Variants in GALC observed in about 807,000 individuals in gnomAD.
The protein encoded by GALC is galactosylceramidase, also known as galactocerebrosidase.
A neutral mutation model predicts 91.8 loss-of-function variants in GALC; 77 were observed. The observed-to-expected ratio is 0.84, with a 90% confidence interval of 0.70 to 1.01. GALC has a LOEUF of 1.01. GALC is among the 50% of genes least tolerant of loss of function. The pLI is 0.00. For missense variants in GALC, 882 were observed against 855.9 expected (o/e 1.03, Z -0.38); for synonymous variants, 357 against 306.7 (o/e 1.16, Z -1.71).
chr14:87,954,466 T>C (rs974110243), intron 10 of GALC: 5 of 1,584,438 alleles, frequency 3.2e-6, no homozygotes, highest in Admixed American at 3.4e-5. Context: ...TTTGGGAATT[T>C]AAATATCTTT....
intron 10 of GALC, chr14:87,953,234 C>G (rs1322726602): frequency 6.0e-6 from 9 of 1,504,376 alleles, no homozygotes; most frequent in Admixed American, 1.7e-5. Context: ...ATAATTACCT[C>G]CAGCCAGGTT....
intron 13 of GALC, 55 bp from the exon 14 acceptor site, chr14:87,945,788 C>T: frequency 1.5e-6 from 2 of 1,317,432 alleles, no homozygotes; most frequent in Non-Finnish European, 2.2e-6. Context: ...AGAAGCTCTC[C>T]TTGCTGATAT....
chr14:87,953,387 C>T (rs1453360698), intron 10 of GALC: 14 of 1,430,166 alleles, frequency 9.8e-6, no homozygotes, highest in Non-Finnish European at 1.4e-5. Flanking sequence ...TTTACAGAAG[C>T]ATATGAAAGT....
rs763795962 is a variant in GALC at position 87,993,127 on chromosome 14, C to T, written c.38G>A (p.Arg13Gln). Residue 13 changes from arginine to glutamine, a missense_variant, in exon 1 of 17, where the codon CGA (arginine) becomes CAA (glutamine). Coordinates refer to ENST00000261304, the MANE Select transcript of GALC (RefSeq NM_000153.4). ...EWLLSASWQRRAKAMTAAAGS... is the reference protein window; with the variant it reads ...EWLLSASWQRQAKAMTAAAGS... ...CGCGGCCGCAGTCATAGCTTTCGCT[C>T]GGCGTTGCCAGGAAGCCGAGAGTAG... 1.3e-6 allele frequency: 2 copies of T among 1,585,384 alleles called. No individual in the cohort carries two copies. Among genetic ancestry groups the T allele is most frequent in the Non-Finnish European group, 1.7e-6 (2 of 1,166,980 alleles).
intron 1 of GALC, 134 bp from the exon 2 acceptor site, chr14:87,988,657 C>T: frequency 1.3e-6 from 1 of 740,756 alleles, no homozygotes; most frequent in Non-Finnish European, 2.4e-6. Context: ...AAGTTCCTCA[C>T]AAGTTGTCTG....
At chr14:87,945,836 A>G (rs1030058275) in intron 13 of GALC, 103 bp from the exon 14 acceptor site, 2 of 859,352 alleles carry the variant, frequency 2.3e-6, no homozygotes, top group African/African-American at 3.4e-5. Context: ...AAGCTTTTAA[A>G]TAAATAAATA....
At chr14:87,943,806 C>G (rs988518903) in intron 14 of GALC, among the ~76,000 whole-genome samples, 2 of 151,860 alleles carry the variant, frequency 1.3e-5, no homozygotes, top group Admixed American at 6.6e-5. Context: ...GTGTGGATCT[C>G]TGAGCAGATC....
chr14:87,934,918 A>G, intron 16 of GALC, 40 bp from the exon 17 acceptor site: 1 of 1,453,906 alleles, frequency 6.9e-7, no homozygotes. Context: ...ACCATATGAA[A>G]ATGGTCCTCT....
intron 11 of GALC, 25 bp downstream of exon 11, chr14:87,950,634 A>G: frequency 7.2e-7 from 1 of 1,388,268 alleles, no homozygotes; most frequent in Non-Finnish European, 1.0e-6. Flanking sequence ...TCAAAACTAA[A>G]ATAAAGTTAA....
At chr14:87,948,606 GT>G (rs896386329) in intron 12 of GALC, among the ~76,000 whole-genome samples, 13 of 151,880 alleles carry the variant, frequency 8.6e-5, no homozygotes, top group African/African-American at 2.9e-4. Flanking sequence ...AATTTGAACA[GT>G]TTTTTTCTAT....
At chr14:87,945,442 C>T in intron 14 of GALC, 111 bp downstream of exon 14, 7 of 829,424 alleles carry the variant, frequency 8.4e-6, no homozygotes, top group Non-Finnish European at 1.5e-5. Flanking sequence ...TATTACACAT[C>T]TATTAGGTTC....
At chr14:87,980,164 C>G (rs1044513685) in intron 6 of GALC, among the ~76,000 whole-genome samples, 9 of 152,088 alleles carry the variant, frequency 5.9e-5, no homozygotes, top group Non-Finnish European at 1.2e-4. Context: ...GGGCGGATCA[C>G]AAGGTCAAGA....
chr14:87,950,388 A>G (rs778848948), intron 11 of GALC, among the ~76,000 whole-genome samples: 3 of 151,874 alleles, frequency 2.0e-5, no homozygotes, highest in African/African-American at 4.8e-5. Context: ...AGTTCCCTAG[A>G]CCATAAAATG....
chr14:87,953,841 C>G (rs911623846), intron 10 of GALC: 3 of 1,609,716 alleles, frequency 1.9e-6, no homozygotes, highest in Admixed American at 1.7e-5. Context: ...GGTGCTATCT[C>G]CATGTCATGT....
At chr14:87,962,710 C>T (rs969081312) in intron 10 of GALC, among the ~76,000 whole-genome samples, 2 of 151,964 alleles carry the variant, frequency 1.3e-5, no homozygotes, top group Admixed American at 6.6e-5. Flanking sequence ...CTTCACAAAG[C>T]CCTGCTGACT....
At chr14:87,950,619 T>C (rs759622420) in intron 11 of GALC, 40 bp downstream of exon 11, 1 of 1,275,670 alleles carries the variant, frequency 7.8e-7, no homozygotes, top group Non-Finnish European at 1.1e-6. Context: ...ATATAAATTC[T>C]TAAATCAAAA....
intron 8 of GALC, among the ~76,000 whole-genome samples, chr14:87,967,675 C>T (rs17687346): frequency 0.11 from 17,204 of 152,194 alleles, 1,145 homozygotes; most frequent in Non-Finnish European, 0.16. Context: ...TTACACATAT[C>T]AAGTGATGCC....
At chr14:87,989,110 AACTATTTGAAAAAAGAAATC>A (rs1301221125) in intron 1 of GALC, among the ~76,000 whole-genome samples, 1 of 152,194 alleles carries the variant, frequency 6.6e-6, no homozygotes, top group Non-Finnish European at 1.5e-5. Flanking sequence ...CACGGCATAC[AACTATTTGAAAAAAGAAATC>A]ACAAAACCAG....
At position 87,934,357 on chromosome 14, in the gene GALC, T is replaced by C. The variant is rs1884480331; in HGVS notation, c.*375A>G. On this transcript the variant is annotated 3_prime_UTR_variant, in exon 17 of 17. Coordinates refer to ENST00000261304, the MANE Select transcript of GALC (RefSeq NM_000153.4). ...CACACGGTCAGCATGCATAAATACA[T>C]CTCAGTGATGATCAAGTTACTGCCA... 2.7e-5 allele frequency: 34 copies of C among 1,269,366 alleles called. No individual in the cohort carries two copies. Among genetic ancestry groups the C allele is most frequent in the Non-Finnish European group, 3.3e-5 (33 of 999,008 alleles). The allele number at this position is 1,269,366 out of a possible 1,614,324, so 78.6% of individuals were successfully genotyped here.
Sources: gnomAD v4.1 joint callset for allele counts (sites outside exome capture counted in the v4.1 genomes callset) on GRCh38, gnomAD v4.1.1 for gene constraint, MANE v1.5 for transcripts, NCBI Gene and HGNC (gene_info 2026-07-23, HGNC 2026-07-21) for gene names.